CDH10: variants seen among roughly 807,000 people sequenced by gnomAD.
The protein encoded by CDH10 is cadherin 10, also known as cadherin-10.
In CDH10, 30 loss-of-function variants were observed where a neutral mutation model predicts 73.1. The ratio of observed to expected loss-of-function variants is 0.41; its 90% confidence interval spans 0.31 to 0.56. The LOEUF (loss-of-function observed/expected upper bound fraction) is 0.56. Ranked by LOEUF, CDH10 falls within the 20% of genes least tolerant of loss-of-function variation. The pLI is 0.27. For synonymous variants in CDH10, 345 were observed against 348.2 expected, an observed-to-expected ratio of 0.99 and a Z score of 0.10; for missense variants, 815 against 973.7, an observed-to-expected ratio of 0.84 and a Z score of 2.17.
At position 24,628,226 on chromosome 5, in the gene CDH10, C is replaced by T. The variant is rs897233017; in HGVS notation, c.-124+16368G>A. 1.3e-4 allele frequency among the ~76,000 whole-genome samples: 20 copies of T among 152,238 alleles called. 1 individual carries two copies. Among genetic ancestry groups the T allele is most frequent in the Admixed American group, 3.9e-4 (6 of 15,276 alleles). On this transcript the variant is annotated intron_variant, in intron 1 of 11. Coordinates refer to ENST00000264463, the MANE Select transcript of CDH10 (RefSeq NM_006727.5). ...TCAGTGTGAACATCAGTAGTTTTAG[C>T]GGCTACAAAACACCAGAACACCAAC...
At chr5:24,501,277 A>G (rs960322683) in intron 8 of CDH10, among the ~76,000 whole-genome samples, 8 of 152,172 alleles carry the variant, frequency 5.3e-5, no homozygotes, top group Non-Finnish European at 1.0e-4. Context: ...CACAATATAG[A>G]GATTCTCCAG....
At chr5:24,543,245 C>T (rs1744222550) in intron 2 of CDH10, among the ~76,000 whole-genome samples, 1 of 151,936 alleles carries the variant, frequency 6.6e-6, no homozygotes, top group African/African-American at 2.4e-5. Flanking sequence ...ATATTGATAC[C>T]ATTTTAGATA....
intron 2 of CDH10, among the ~76,000 whole-genome samples, chr5:24,582,070 G>T (rs1745823174): frequency 1.3e-5 from 2 of 152,076 alleles, no homozygotes; most frequent in African/African-American, 4.8e-5. Flanking sequence ...TTAAAGCTAG[G>T]TTCATACTAT....
chr5:24,491,979 A>C (rs749139324), intron 10 of CDH10, 152 bp from the exon 11 acceptor site: 3 of 552,894 alleles, frequency 5.4e-6, no homozygotes, highest in Admixed American at 3.3e-5. Context: ...TGCAATTAAT[A>C]TATAGATAAG....
At chr5:24,615,470 T>C (rs1747097669) in intron 1 of CDH10, among the ~76,000 whole-genome samples, 1 of 152,208 alleles carries the variant, frequency 6.6e-6, no homozygotes, top group South Asian at 2.1e-4. Context: ...TACAGGAAAC[T>C]AGTTTTGATT....
intron 2 of CDH10, among the ~76,000 whole-genome samples, chr5:24,555,760 T>C (rs1243923144): frequency 6.6e-6 from 1 of 152,070 alleles, no homozygotes; most frequent in Non-Finnish European, 1.5e-5. Context: ...TTAATCTGAG[T>C]GAATTAGCTT....
At chr5:24,592,977 A>T (rs1746250722) in intron 2 of CDH10, among the ~76,000 whole-genome samples, 1 of 151,602 alleles carries the variant, frequency 6.6e-6, no homozygotes, top group Non-Finnish European at 1.5e-5. Flanking sequence ...TCTCACTATC[A>T]TTGCTTTCTA....
rs1329618327 is a variant in CDH10 at position 24,487,340 on chromosome 5, T to C, written c.*323A>G. 2 of 244,472 alleles carry C rather than the reference T, an allele frequency of 8.2e-6. No homozygotes were observed. The highest frequency in any genetic ancestry group is 4.5e-5 in the African/African-American group (2 of 44,460). 15.1% of individuals were successfully genotyped at this position (244,472 alleles called of 1,614,324 possible). A position where few individuals can be genotyped will look rare whatever the true frequency, so the allele number is the denominator to read the frequency against. On this transcript the variant is annotated 3_prime_UTR_variant, in exon 12 of 12. Transcript: ENST00000264463. ...CATTTGCAAGGGCAGGACATGTACC[T>C]AACAGAAGCGGCTTGTTTGTGAGGT... is the stretch of plus-strand genomic sequence containing the variant.
chr5:24,580,010 T>G (rs993537794), intron 2 of CDH10, among the ~76,000 whole-genome samples: 4 of 152,184 alleles, frequency 2.6e-5, no homozygotes, highest in African/African-American at 9.6e-5. Flanking sequence ...AGCAGATTTA[T>G]AGTCTCCAGT....
chr5:24,581,959 G>T (rs569412184), intron 2 of CDH10, among the ~76,000 whole-genome samples: 199 of 152,262 alleles, frequency 1.3e-3, no homozygotes, highest in African/African-American at 4.4e-3. Flanking sequence ...CTAAAAATAA[G>T]AAGTTAAGAT....
At chr5:24,495,025 A>T (rs1200403382) in intron 9 of CDH10, among the ~76,000 whole-genome samples, 1 of 152,096 alleles carries the variant, frequency 6.6e-6, no homozygotes, top group Non-Finnish European at 1.5e-5. Context: ...CTCTCAATCT[A>T]GTCTTCCTTT....
At chr5:24,606,163 T>A (rs1288540411) in intron 1 of CDH10, among the ~76,000 whole-genome samples, 1 of 152,134 alleles carries the variant, frequency 6.6e-6, no homozygotes, top group Non-Finnish European at 1.5e-5. Flanking sequence ...TTATCAAAAT[T>A]CATAGAACTT....
intron 1 of CDH10, among the ~76,000 whole-genome samples, chr5:24,597,125 C>A (rs1561187685): frequency 6.6e-6 from 1 of 151,844 alleles, no homozygotes; most frequent in Non-Finnish European, 1.5e-5. Context: ...ATATGAATAT[C>A]CTATGAACTT....
chr5:24,518,882 C>T (rs991468872), intron 5 of CDH10, among the ~76,000 whole-genome samples: 2 of 110,448 alleles, frequency 1.8e-5, no homozygotes, highest in Non-Finnish European at 3.7e-5. Context: ...TTGACATGTG[C>T]ACTTTTTTTT....
chr5:24,487,679 C>T lies in CDH10; in HGVS notation c.2351G>A (p.Ser784Asn), dbSNP rs748250159. ...KLAEMYGGGE[S>N]DKDS ...TATCCTACGTTAAGAGTCTTTGTCACTTTCCCCACCACCATACATTTCTGC... is the reference window on the plus strand; with the variant it reads ...TATCCTACGTTAAGAGTCTTTGTCATTTTCCCCACCACCATACATTTCTGC... The change falls in exon 12 of 12, where the codon AGT becomes AAT. Residue 784 changes from serine (S) to asparagine (N), a missense_variant. By Grantham distance (46) the Ser-to-Asn change is conservative (BLOSUM62 1). This residue lies in a region of CDH10 where 241 missense variants were observed against 240.3 expected (regional missense o/e 1.00). Coordinates refer to ENST00000264463, the MANE Select transcript of CDH10 (RefSeq NM_006727.5). 6.2e-7 allele frequency: 1 copy of T among 1,611,874 alleles called. No individual in the cohort carries two copies.
chr5:24,503,121 C>G (rs896971275), intron 8 of CDH10, among the ~76,000 whole-genome samples: 2 of 152,164 alleles, frequency 1.3e-5, no homozygotes, highest in African/African-American at 4.8e-5. Flanking sequence ...GATGATCTGT[C>G]TAGCCTAATT....
intron 7 of CDH10, among the ~76,000 whole-genome samples, chr5:24,506,539 T>A (rs1742706698): frequency 6.6e-6 from 1 of 152,222 alleles, no homozygotes; most frequent in African/African-American, 2.4e-5. Context: ...TACCACATTG[T>A]GTTAGGAATG....
intron 2 of CDH10, among the ~76,000 whole-genome samples, chr5:24,580,712 T>C (rs569754749): frequency 6.6e-6 from 1 of 152,274 alleles, no homozygotes; most frequent in South Asian, 2.1e-4. Flanking sequence ...ACCCAATGAA[T>C]TAAAACAACA....
intron 2 of CDH10, among the ~76,000 whole-genome samples, chr5:24,545,372 A>C (rs1197726239): frequency 6.6e-6 from 1 of 152,244 alleles, no homozygotes; most frequent in Non-Finnish European, 1.5e-5. Context: ...CATTTAAAAG[A>C]AGATCACAGA....
Sources: allele counts gnomAD v4.1 joint callset (sites outside exome capture counted in the v4.1 genomes callset), GRCh38; gene constraint gnomAD v4.1.1; regional missense constraint gnomAD v4.1.1; transcripts MANE v1.5; gene names NCBI Gene and HGNC (gene_info 2026-07-23, HGNC 2026-07-21).